Variants in ZMAT1 observed in about 807,000 individuals in gnomAD.
The protein encoded by ZMAT1 is zinc finger matrin-type 1.
ZMAT1 carries 11 observed loss-of-function variants against 18.5 expected under a neutral mutation model. The ratio of observed to expected loss-of-function variants is 0.59; its 90% CI spans 0.37 to 0.98. ZMAT1 has a LOEUF of 0.98. ZMAT1 is among the 50% of genes least tolerant of loss of function. The pLI, the probability that ZMAT1 is intolerant of heterozygous loss-of-function variation, is 0.01. For missense variants in ZMAT1, 525 were observed against 496.2 expected, an observed-to-expected ratio of 1.06 and a Z score of -0.55; for synonymous variants, 211 against 176.4, an observed-to-expected ratio of 1.20 and a Z score of -1.55.
At chrX:101,906,582 G>A (rs1466798200) in intron 1 of ZMAT1, among the ~76,000 whole-genome samples, 1 of 111,951 alleles carries the variant, frequency 8.9e-6, no homozygotes, top group Non-Finnish European at 1.9e-5. Context: ...CAGACCCAGG[G>A]CCCACCCAGG....
Position 101,884,758 on chromosome X carries a change from C to T in ZMAT1, c.840G>A (p.Glu280=). 1 of 1,209,620 alleles carries T rather than the reference C, an allele frequency of 8.3e-7. No individual in the cohort carries two copies. The highest frequency in any genetic ancestry group is 1.7e-5 in the African/African-American group (1 of 57,714). ...TCTGCACATTGATGTAATCTGCACA[C>T]TCATTTTGGTAAGAGTCTTGTGTCT... The part of the protein sequence containing the change: ...SRKTQDSYQN[E]CADYINVQKA... The change falls in exon 6 of 6, where the codon GAG becomes GAA. Residue 280 remains glutamate, a synonymous_variant. Transcript: ENST00000651725.
At chrX:101,899,004 C>T (rs890971372) in intron 2 of ZMAT1, among the ~76,000 whole-genome samples, 4 of 110,499 alleles carry the variant, frequency 3.6e-5, no homozygotes, top group Admixed American at 9.6e-5. Context: ...GCCGAGATTG[C>T]GCCACTGCAC....
At chrX:101,911,539 C>G (rs1194554437) in intron 1 of ZMAT1, 5 of 1,089,984 alleles carry the variant, frequency 4.6e-6, no homozygotes, top group Non-Finnish European at 6.3e-6. Flanking sequence ...TCACCTCACC[C>G]AACAACAGCG....
chrX:101,930,157 A>G lies in ZMAT1; in HGVS notation c.292+1560T>C, dbSNP rs180754568. 1.5e-3 allele frequency among the ~76,000 whole-genome samples: 170 copies of G among 112,235 alleles called. No homozygotes were observed. The East Asian group carries it at 0.02, about 13-fold the overall frequency. ...CAGTTGCATCTCCAGGCAAAAAGCC[A>G]TATTTTTTTTTCCACGAGATACTGG... On this transcript the variant is annotated intron_variant, in intron 1 of 5. Coordinates refer to ENST00000651725, the MANE Select transcript of ZMAT1 (RefSeq NM_001394560.1).
Position 101,883,847 on chromosome X carries a change from G to C in ZMAT1, c.1751C>G (p.Thr584Ser). 1 of 1,209,675 alleles carries C rather than the reference G, an allele frequency of 8.3e-7. No individual in the cohort carries two copies. The highest frequency in any genetic ancestry group is 1.1e-6 in the Non-Finnish European group (1 of 894,693). ...TTTATGACCTGCTTGATGGTCAGCA[G>C]TATTGTTTTCTGAAGAGAGGTGCTT... ...VYKHLSSENN[T>S]ADHQAGHKRK... is the part of the protein sequence containing the mutation. The change falls in exon 6 of 6, where the codon ACT becomes AGT. Residue 584 changes from threonine (T) to serine (S), a missense_variant. Physicochemically the swap from Thr to Ser is moderately conservative, Grantham distance 58 (BLOSUM62 1). Coordinates refer to ENST00000651725, the MANE Select transcript of ZMAT1 (RefSeq NM_001394560.1).
At chrX:101,921,297 G>C in intron 1 of ZMAT1, among the ~76,000 whole-genome samples, 1 of 111,694 alleles carries the variant, frequency 9.0e-6, no homozygotes, top group East Asian at 2.8e-4. Context: ...TTTATTATTT[G>C]TTTTGTTTCT....
intron 2 of ZMAT1, among the ~76,000 whole-genome samples, chrX:101,898,707 T>C (rs1461442343): frequency 8.9e-6 from 1 of 111,861 alleles, no homozygotes; most frequent in African/African-American, 3.3e-5. Context: ...ACAGTCATCT[T>C]TGGACCATGG....
chrX:101,897,499 A>T (rs1350208093), intron 4 of ZMAT1, among the ~76,000 whole-genome samples: 1 of 109,121 alleles, frequency 9.2e-6, no homozygotes, highest in Admixed American at 9.8e-5. Context: ...TAATAAAAAA[A>T]AGACATTATA....
chrX:101,903,456 T>C (rs1346366507), intron 2 of ZMAT1, among the ~76,000 whole-genome samples: 1 of 111,421 alleles, frequency 9.0e-6, no homozygotes, highest in African/African-American at 3.3e-5. Flanking sequence ...ACCAATAAGA[T>C]TAGCAATGGG....
At chrX:101,913,883 G>T (rs1226379834) in intron 1 of ZMAT1, among the ~76,000 whole-genome samples, 4 of 111,824 alleles carry the variant, frequency 3.6e-5, no homozygotes, top group Non-Finnish European at 5.6e-5. Flanking sequence ...AACAACCGCA[G>T]AATACACATT....
chrX:101,923,196 T>A (rs767779315), intron 1 of ZMAT1, among the ~76,000 whole-genome samples: 1 of 111,900 alleles, frequency 8.9e-6, no homozygotes, highest in Non-Finnish European at 1.9e-5. Context: ...AATAAATCTA[T>A]TTTTATTGGT....
intron 1 of ZMAT1, chrX:101,918,749 G>A (rs1255494741): frequency 9.0e-6 from 1 of 111,343 alleles, no homozygotes; most frequent in Non-Finnish European, 1.9e-5. Flanking sequence ...AACTATTAAA[G>A]GTTCAAGAAT....
chrX:101,931,969 CCGCCGCCAGCGGGGTGACTGTGCTCGG>C lies in ZMAT1; in HGVS notation c.13_39del (p.Pro5_Ala13del), dbSNP rs1930542888. On this transcript the variant is annotated inframe_deletion, in exon 1 of 6. Transcript: ENST00000651725. The stretch of plus-strand genomic sequence containing the variant: ...ACGGTAGCTTCCTGAGGGGAAGACT[CCGCCGCCAGCGGGGTGACTGTGCTCGG>C]CGCCGCCGCCATCGCAGCGAGGCGC... 2.6e-6 allele frequency: 2 copies of C among 771,952 alleles called. No individual in the cohort carries two copies. Among genetic ancestry groups the C allele is most frequent in the East Asian group, 1.5e-4 (1 of 6,729 alleles). 63.6% of individuals were successfully genotyped at this position (771,952 alleles called of 1,213,427 possible).
At chrX:101,921,216 A>G (rs1480428925) in intron 1 of ZMAT1, among the ~76,000 whole-genome samples, 1 of 111,460 alleles carries the variant, frequency 9.0e-6, no homozygotes, top group Non-Finnish European at 1.9e-5. Context: ...AGAATCACCA[A>G]TTAAAACATA....
At position 101,905,330 on chromosome X, in the gene ZMAT1, G is replaced by T. The variant is rs185466990; in HGVS notation, c.293-1000C>A. Among the ~76,000 whole-genome samples the T allele has an allele frequency of 2.7e-5, 3 of 112,346 alleles. No homozygotes were observed. In the East Asian group the frequency reaches 8.4e-4, roughly 31 times the overall value. ...TGTTTCTCACTGTAATAAATAAGGG[G>T]ACATGCCAAAACTTTCTGCATTTAC... On this transcript the variant is annotated intron_variant, in intron 1 of 5. Transcript: ENST00000651725.
At position 101,931,863 on chromosome X, in the gene ZMAT1, G is replaced by T; in HGVS notation, c.146C>A (p.Ala49Asp). Reference sequence around the variant, plus strand: ...GGCAGGGGCGGAGGTGGCGGAGGAGGCAGGAACAATTACTGCCGCCGCCGC... The same window carrying T: ...GGCAGGGGCGGAGGTGGCGGAGGAGTCAGGAACAATTACTGCCGCCGCCGC... ...AAAAAAVIVP[A>D]SSATSAPACP... Residue 49 changes from alanine to aspartate, a missense_variant, in exon 1 of 6, where the codon GCC becomes GAC. Coordinates refer to ENST00000651725, the MANE Select transcript of ZMAT1 (RefSeq NM_001394560.1). The T allele has an allele frequency of 1.3e-6, 1 of 797,776 alleles. No individual in the cohort carries two copies. Among genetic ancestry groups the T allele is most frequent in the Non-Finnish European group, 1.5e-6 (1 of 671,002 alleles). The allele number at this position is 797,776 out of a possible 1,213,427, so 65.7% of individuals were successfully genotyped here.
At chrX:101,899,054 T>A (rs75329249) in intron 2 of ZMAT1, among the ~76,000 whole-genome samples, 1 of 110,140 alleles carries the variant, frequency 9.1e-6, no homozygotes, top group Admixed American at 9.6e-5. Flanking sequence ...AAAAAAAAAA[T>A]GCCTAGGTCC....
At chrX:101,911,171 T>C (rs1459602688) in intron 1 of ZMAT1, among the ~76,000 whole-genome samples, 2 of 111,923 alleles carry the variant, frequency 1.8e-5, no homozygotes, top group Non-Finnish European at 3.8e-5. Context: ...TACCCTAGAA[T>C]AGTATATTCA....
At chrX:101,886,800 C>T in intron 4 of ZMAT1, 69 bp from the exon 5 acceptor site, 1 of 683,139 alleles carries the variant, frequency 1.5e-6, no homozygotes, top group Non-Finnish European at 2.0e-6. Flanking sequence ...AATGTTAGAA[C>T]TGGACCAAAA....
Sources: gnomAD v4.1 joint callset for allele counts (sites outside exome capture counted in the v4.1 genomes callset) on GRCh38, gnomAD v4.1.1 for gene constraint, MANE v1.5 for transcripts, NCBI Gene and HGNC (gene_info 2026-07-23, HGNC 2026-07-21) for gene names.